The following CATSPERE variants were observed in gnomAD, a reference collection of about 807,000 sequenced individuals.
CATSPERE encodes the protein catsper channel auxiliary subunit epsilon.
Under a neutral mutation model 114.1 loss-of-function variants are expected in CATSPERE, and 93 were observed. That is an observed-to-expected ratio of 0.81 (90% CI 0.69 to 0.97). CATSPERE has a LOEUF of 0.97. Ranked by LOEUF, CATSPERE falls within the 50% of genes least tolerant of loss-of-function variation. The pLI, the probability that CATSPERE is intolerant of heterozygous loss-of-function variation, is 0.00. For synonymous variants in CATSPERE, 341 were observed against 384.1 expected (o/e 0.89, Z 1.31); for missense variants, 1,058 against 1,131.6 (o/e 0.93, Z 0.93).
At chr1:244,486,659 G>T (rs1421295278) in intron 5 of CATSPERE, among the ~76,000 whole-genome samples, 2 of 116,224 alleles carry the variant, frequency 1.7e-5, no homozygotes, top group Non-Finnish European at 3.6e-5. Context: ...GGGTGGTCCA[G>T]CATGTGGAGT....
intron 7 of CATSPERE, among the ~76,000 whole-genome samples, chr1:244,506,156 A>G (rs1674784986): frequency 6.6e-6 from 1 of 152,208 alleles, no homozygotes; most frequent in Non-Finnish European, 1.5e-5. Flanking sequence ...GACCTTTTGT[A>G]ACTTAGTTCA....
intron 5 of CATSPERE, among the ~76,000 whole-genome samples, chr1:244,489,907 G>A (rs1413157961): frequency 9.2e-5 from 14 of 152,298 alleles, no homozygotes; most frequent in Non-Finnish European, 7.3e-5. Flanking sequence ...GGCCGTACTG[G>A]TTACTGGGAG....
chr1:244,552,330 G>T lies in CATSPERE; in HGVS notation c.545G>T (p.Arg182Leu). 6.2e-7 allele frequency: 1 copy of T among 1,607,198 alleles called. No homozygotes were observed. Among genetic ancestry groups the T allele is most frequent in the South Asian group, 1.1e-5 (1 of 89,684 alleles). ...SNEKMRRGTW[R>L]IVVPMTKDDA... ...TTTCTTTCTCTTCTTAGGACCTGGC[G>T]TATTGTAGTACCAATGACAAAAGAT... is the stretch of plus-strand genomic sequence containing the variant. Residue 182 changes from arginine to leucine, a missense_variant, in exon 9 of 22, where the codon CGT (arginine) becomes CTT (leucine). Transcript: ENST00000366534.
At chr1:244,546,670 G>A (rs959453207) in intron 8 of CATSPERE, among the ~76,000 whole-genome samples, 1 of 152,146 alleles carries the variant, frequency 6.6e-6, no homozygotes, top group Admixed American at 6.5e-5. Flanking sequence ...AAAAATGCAA[G>A]TGCTGAAAAA....
In CATSPERE at chr1:244,485,753, A is replaced by G. The variant is rs182309458; in HGVS notation, c.327-4694A>G. On this transcript the variant is annotated intron_variant, in intron 5 of 21. Transcript: ENST00000366534. Reference sequence around the variant, plus strand: ...TGTCCTGTCACCCAGGCTGGAGTGCAGTAGTGCAATCGTAGCTCACGTAAC... The same window carrying G: ...TGTCCTGTCACCCAGGCTGGAGTGCGGTAGTGCAATCGTAGCTCACGTAAC... Among the ~76,000 whole-genome samples, 510 of 148,318 alleles carry G rather than the reference A, an allele frequency of 3.4e-3. 11 individuals carry two copies. Among genetic ancestry groups the G allele is most frequent in the Admixed American group, 0.032 (476 of 14,802 alleles).
intron 17 of CATSPERE, among the ~76,000 whole-genome samples, chr1:244,605,132 G>A (rs1669809122): frequency 6.6e-6 from 1 of 152,122 alleles, no homozygotes; most frequent in Admixed American, 6.5e-5. Context: ...TCCTCCTAGG[G>A]GGATCTGCAG....
intron 10 of CATSPERE, among the ~76,000 whole-genome samples, chr1:244,566,085 G>C (rs943505217): frequency 6.6e-6 from 1 of 152,184 alleles, no homozygotes; most frequent in Non-Finnish European, 1.5e-5. Context: ...TTACCCAGTA[G>C]TCATTCAGGA....
In CATSPERE at chr1:244,573,181, G is replaced by A. The variant is rs374650864; in HGVS notation, c.1950+409G>A. Among the ~76,000 whole-genome samples the A allele has an allele frequency of 2.8e-3, 427 of 152,238 alleles. 1 individual carries two copies. Among genetic ancestry groups the A allele is most frequent in the Non-Finnish European group, 4.6e-3 (316 of 68,010 alleles). Reference sequence around the variant, plus strand: ...AATCCCAGCACTTTGGGAGGCCAAGGCAGGCAGATCACGAGGTCAGGAGAT... The same window carrying A: ...AATCCCAGCACTTTGGGAGGCCAAGACAGGCAGATCACGAGGTCAGGAGAT... On this transcript the variant is annotated intron_variant, in intron 11 of 21. Transcript: ENST00000366534. The surrounding 1 kb of genome is among the most constrained non-coding windows in gnomAD (Gnocchi z 4.0).
At chr1:244,519,265 A>G (rs1241385095) in intron 8 of CATSPERE, among the ~76,000 whole-genome samples, 1 of 152,180 alleles carries the variant, frequency 6.6e-6, no homozygotes, top group Non-Finnish European at 1.5e-5. Flanking sequence ...AGGAACACAA[A>G]GAGGGTGCAC....
rs1035035427 is a variant in CATSPERE, at chr1:244,592,618, A to G, written c.2190-777A>G. Among the ~76,000 whole-genome samples, 7 of 152,364 alleles carry G rather than the reference A, an allele frequency of 4.6e-5. No homozygotes were observed. The South Asian group carries it at 1.0e-3, about 23-fold the overall frequency. ...GTAGGCATATTCTTTAAGTGATTTC[A>G]TTAATTAAGGCAGGGTGGAGAGTGG... is the stretch of plus-strand genomic sequence containing the variant. On this transcript the variant is annotated intron_variant, in intron 15 of 21. Transcript: ENST00000366534.
At chr1:244,514,611 C>T (rs1485110596) in intron 7 of CATSPERE, among the ~76,000 whole-genome samples, 1 of 151,950 alleles carries the variant, frequency 6.6e-6, no homozygotes, top group East Asian at 1.9e-4. Context: ...GGGTGGATCA[C>T]GAGGTCAGGA....
At chr1:244,478,404 G>T (rs894938575) in intron 4 of CATSPERE, among the ~76,000 whole-genome samples, 1 of 152,140 alleles carries the variant, frequency 6.6e-6, no homozygotes, top group Non-Finnish European at 1.5e-5. Context: ...GAGGTTGAAC[G>T]TCTCTAGTTT....
Position 244,583,920 on chromosome 1 carries a change from C to T in CATSPERE, c.2066C>T (p.Ala689Val). ...VQFRPSEYSK[A>V]CPIAQKVFQI... ...TTTCGACCTAGTGAATATTCAAAAG[C>T]ATGTCCAATAGCCCAAAAGGTAAGC... Residue 689 changes from alanine to valine, a missense_variant, in exon 13 of 22, where the codon GCA becomes GTA. By Grantham distance (64) the Ala-to-Val change is moderately conservative. Around this residue, in one of 2 missense-constraint regions of CATSPERE, gnomAD observed 787 missense variants for 905.6 expected, o/e 0.87. Transcript: ENST00000366534. 6.2e-7 allele frequency: 1 copy of T among 1,614,114 alleles called. No homozygotes were observed. The highest frequency in any genetic ancestry group is 8.5e-7 in the Non-Finnish European group (1 of 1,179,998).
At chr1:244,477,714 T>C (rs1572285257) in intron 3 of CATSPERE, 100 bp downstream of exon 3, 3 of 1,033,306 alleles carry the variant, frequency 2.9e-6, no homozygotes, top group East Asian at 4.8e-5. Context: ...ATATAAATTT[T>C]CTTTCATTAA....
Position 244,602,979 on chromosome 1 carries a change from T to C in CATSPERE, c.2304-2716T>C, listed in dbSNP as rs957118173. 7.9e-5 allele frequency among the ~76,000 whole-genome samples: 12 copies of C among 152,058 alleles called. No homozygotes were observed. The East Asian group carries it at 2.1e-3, about 27-fold the overall frequency. ...AGGGGGAAATGTGGGCAGAGCCTTA[T>C]TGCAGTTTCTGTGGGAAGGAATAGG... is the stretch of plus-strand genomic sequence containing the variant. On this transcript the variant is annotated intron_variant, in intron 17 of 21. Coordinates refer to ENST00000366534, the MANE Select transcript of CATSPERE (RefSeq NM_001130957.2).
At chr1:244,556,605 A>G (rs564246795) in intron 9 of CATSPERE, among the ~76,000 whole-genome samples, 19 of 152,200 alleles carry the variant, frequency 1.2e-4, no homozygotes, top group Non-Finnish European at 2.4e-4. Context: ...GGGAGGGGAA[A>G]CAGATCCAGA....
intron 17 of CATSPERE, among the ~76,000 whole-genome samples, chr1:244,600,873 G>A (rs1461467314): frequency 1.3e-5 from 2 of 152,010 alleles, no homozygotes; most frequent in South Asian, 2.1e-4. Flanking sequence ...TCAAAGAATC[G>A]ATCATCTAAA....
chr1:244,545,834 G>A (rs1284569083), intron 8 of CATSPERE, among the ~76,000 whole-genome samples: 5 of 152,148 alleles, frequency 3.3e-5, no homozygotes, highest in African/African-American at 7.2e-5. Flanking sequence ...GTAAATTTTA[G>A]GGGAAGTGGC....
Position 244,572,748 on chromosome 1 carries a change from C to G in CATSPERE, c.1926C>G (p.Ala642=), listed in dbSNP as rs1664653993. ...QESHEISFEA[A]FGYCTKTLTL... ...GTCATGAGATTTCCTTTGAAGCTGC[C>G]TTTGGATACTGCACCAAAACTCTGG... Residue 642 remains alanine (A), a synonymous_variant, in exon 11 of 22, where the codon GCC becomes GCG. Transcript: ENST00000366534. The G allele has an allele frequency of 1.3e-6, 2 of 1,597,160 alleles. No individual in the cohort carries two copies. Among genetic ancestry groups the G allele is most frequent in the Non-Finnish European group, 1.7e-6 (2 of 1,173,402 alleles).
Sources: allele counts gnomAD v4.1 joint callset (sites outside exome capture counted in the v4.1 genomes callset), GRCh38; gene constraint gnomAD v4.1.1; regional missense constraint gnomAD v4.1.1; non-coding constraint Gnocchi (gnomAD v3.1); transcripts MANE v1.5; gene names NCBI Gene and HGNC (gene_info 2026-07-23, HGNC 2026-07-21).